TCF12: variants seen among roughly 807,000 people sequenced by gnomAD.
TCF12 encodes DNA-binding protein HTF4.
Under a neutral mutation model 86.0 loss-of-function variants are expected in TCF12, and 45 were observed. The ratio of observed to expected loss-of-function variants is 0.52; its 90% CI spans 0.41 to 0.67. TCF12 has a LOEUF of 0.67. Among genes scored for constraint, TCF12 ranks in the 30% least tolerant of loss-of-function variants. The pLI is 0.00. For synonymous variants in TCF12, 330 were observed against 299.6 expected, an observed-to-expected ratio of 1.10 and a Z score of -1.05; for missense variants, 881 against 859.9, an observed-to-expected ratio of 1.02 and a Z score of -0.31.
chr15:57,170,686 TATA>T (rs1289568541), intron 6 of TCF12, among the ~76,000 whole-genome samples: 21 of 10,196 alleles, frequency 2.1e-3, no homozygotes, highest in African/African-American at 0.012. Flanking sequence ...ATATATTATA[TATA>T]ATATATATTA....
intron 3 of TCF12, among the ~76,000 whole-genome samples, chr15:57,052,636 C>CAAA (rs10573760): frequency 8.2e-6 from 1 of 122,434 alleles, no homozygotes; most frequent in African/African-American, 3.1e-5. Flanking sequence ...GACTCCATCT[C>CAAA]AAAAAAAAAA....
At chr15:56,977,833 C>G (rs1221013927) in intron 3 of TCF12, among the ~76,000 whole-genome samples, 1 of 152,052 alleles carries the variant, frequency 6.6e-6, no homozygotes, top group Non-Finnish European at 1.5e-5. Context: ...TAGCACATAT[C>G]AGAATCACCT....
At chr15:57,266,405 C>T (rs1258980195) in intron 18 of TCF12, among the ~76,000 whole-genome samples, 4 of 152,086 alleles carry the variant, frequency 2.6e-5, no homozygotes, top group African/African-American at 9.7e-5. Flanking sequence ...TTTATTAGAA[C>T]ATCACCATGC....
chr15:57,067,415 C>T (rs1217532972), intron 4 of TCF12, among the ~76,000 whole-genome samples: 1 of 151,268 alleles, frequency 6.6e-6, no homozygotes, highest in African/African-American at 2.4e-5. Flanking sequence ...TGGTGGGCGC[C>T]TGTAGTCCCA....
intron 8 of TCF12, among the ~76,000 whole-genome samples, chr15:57,209,111 C>T (rs2057995421): frequency 6.6e-6 from 1 of 152,178 alleles, no homozygotes; most frequent in Admixed American, 6.5e-5. Context: ...ATAAGGACTA[C>T]AAGGCCATTA....
intron 3 of TCF12, among the ~76,000 whole-genome samples, chr15:56,925,267 G>A (rs910815941): frequency 1.2e-3 from 6 of 5,162 alleles, no homozygotes; most frequent in Non-Finnish European, 2.1e-3. Flanking sequence ...CCCCAACCCC[G>A]TAGTCATTGC....
intron 3 of TCF12, among the ~76,000 whole-genome samples, chr15:56,928,226 A>G (rs756187541): frequency 4.6e-5 from 7 of 152,140 alleles, no homozygotes; most frequent in Non-Finnish European, 8.8e-5. Context: ...CACCTACAGA[A>G]TCCTTGTGAA....
At chr15:57,007,890 CTTCCTTCCTTCCTTCCTTCCTTCCTCT>C (rs1423236997) in intron 3 of TCF12, among the ~76,000 whole-genome samples, 2 of 118,474 alleles carry the variant, frequency 1.7e-5, no homozygotes, top group African/African-American at 6.5e-5. Context: ...TCCTTCCTTC[CTTCCTTCCTTCCTTCCTTCCTTCCTCT>C]TTCTTTGTTT....
chr15:57,107,666 A>C (rs911069895), intron 5 of TCF12, among the ~76,000 whole-genome samples: 2 of 152,136 alleles, frequency 1.3e-5, no homozygotes, highest in Non-Finnish European at 2.9e-5. Flanking sequence ...CAGGAGGATC[A>C]CTTGAGCTCA....
intron 3 of TCF12, among the ~76,000 whole-genome samples, chr15:57,044,620 T>C (rs1209269314): frequency 6.6e-6 from 1 of 152,180 alleles, no homozygotes; most frequent in Non-Finnish European, 1.5e-5. Flanking sequence ...TCAGCCTTGC[T>C]TTTACCCGTT....
chr15:56,966,484 G>T (rs149630875), intron 3 of TCF12, among the ~76,000 whole-genome samples: 489 of 152,270 alleles, frequency 3.2e-3, no homozygotes, highest in African/African-American at 0.011. Context: ...GTTGATATAT[G>T]ACAAGAGACC....
intron 3 of TCF12, 50 bp from the exon 4 acceptor site, chr15:57,063,699 AT>A (rs1462540680): frequency 6.5e-7 from 1 of 1,535,894 alleles, no homozygotes; most frequent in East Asian, 2.3e-5. Context: ...TACCAAAAAA[AT>A]CCACAAAAGT....
intron 3 of TCF12, among the ~76,000 whole-genome samples, chr15:57,024,881 T>C (rs567659693): frequency 2.6e-5 from 4 of 152,320 alleles, no homozygotes; most frequent in African/African-American, 9.6e-5. Flanking sequence ...GCTAGAAGGC[T>C]GAGGTTAGGA....
intron 4 of TCF12, among the ~76,000 whole-genome samples, chr15:57,078,460 C>G (rs1166837159): frequency 6.6e-6 from 1 of 152,166 alleles, no homozygotes; most frequent in Non-Finnish European, 1.5e-5. Context: ...AATATATTTT[C>G]AGATAATGTC....
intron 6 of TCF12, among the ~76,000 whole-genome samples, chr15:57,169,409 G>A (rs2055142391): frequency 6.6e-6 from 1 of 152,130 alleles, no homozygotes; most frequent in Non-Finnish European, 1.5e-5. Flanking sequence ...GGGTAAGACA[G>A]AGGTTTAGAG....
chr15:57,261,286 C>T (rs775004977), intron 16 of TCF12, among the ~76,000 whole-genome samples: 2 of 152,032 alleles, frequency 1.3e-5, no homozygotes, highest in Admixed American at 6.6e-5. Context: ...GGTGGAAGAA[C>T]GAATCTATTC....
At chr15:57,278,754 T>C (rs1199125236) in intron 19 of TCF12, 2 of 105,230 alleles carry the variant, frequency 1.9e-5, no homozygotes, top group African/African-American at 8.3e-5. Context: ...CCTCCCTCTC[T>C]CTCCCTCTCT....
chr15:57,117,301 C>T (rs1215290164), intron 5 of TCF12, among the ~76,000 whole-genome samples: 1 of 152,042 alleles, frequency 6.6e-6, no homozygotes, highest in Admixed American at 6.6e-5. Flanking sequence ...CAAAATGCCT[C>T]TGATTACAGG....
At chr15:57,192,357 C>T (rs2057026407) in intron 7 of TCF12, 64 bp downstream of exon 7, 1 of 1,547,874 alleles carries the variant, frequency 6.5e-7, no homozygotes. Flanking sequence ...CTCCCATAAT[C>T]TGTACTTCTG....
Sources: gnomAD v4.1 joint callset for allele counts (sites outside exome capture counted in the v4.1 genomes callset) on GRCh38, gnomAD v4.1.1 for gene constraint, MANE v1.5 for transcripts, NCBI Gene and HGNC (gene_info 2026-07-23, HGNC 2026-07-21) for gene names.